Variants in ACADVL observed in about 807,000 individuals in gnomAD.
ACADVL encodes the protein acyl-CoA dehydrogenase very long chain, also known as very long-chain acyl-CoA dehydrogenase, mitochondrial.
In ACADVL, 73 loss-of-function variants were observed where a neutral mutation model predicts 80.4. The observed-to-expected ratio is 0.91, with a 90% CI of 0.75 to 1.10. The LOEUF (loss-of-function observed/expected upper bound fraction) is 1.10. Among genes scored for constraint, ACADVL ranks in the 50% least tolerant of loss-of-function variants. The probability of loss-of-function intolerance (pLI) is 0.00; values close to 1 mark genes in which losing one functional copy is unlikely to be tolerated. For missense variants in ACADVL, 878 were observed against 858.9 expected, an observed-to-expected ratio of 1.02 and a Z score of -0.28; for synonymous variants, 392 against 326.5, an observed-to-expected ratio of 1.20 and a Z score of -2.16.
In ACADVL at chr17:7,225,246, A is replaced by C; in HGVS notation, c.*149A>C. 9.2e-7 allele frequency: 1 copy of C among 1,085,706 alleles called. No individual in the cohort carries two copies. Among genetic ancestry groups the C allele is most frequent in the Non-Finnish European group, 1.3e-6 (1 of 750,752 alleles). 67.3% of individuals were successfully genotyped at this position (1,085,706 alleles called of 1,614,324 possible). A position where few individuals can be genotyped will look rare whatever the true frequency, so the allele number is the denominator to read the frequency against. On this transcript the variant is annotated 3_prime_UTR_variant, in exon 20 of 20. Coordinates refer to ENST00000356839, the MANE Select transcript of ACADVL (RefSeq NM_000018.4). ...AAGAGCACTTACTGCCTCGCAAATA[A>C]TAAAAATTTCTAGCCAGTCATGCTT...
intron 6 of ACADVL, 171 bp from the exon 7 acceptor site, chr17:7,221,367 G>A: frequency 8.3e-7 from 1 of 1,198,768 alleles, no homozygotes; most frequent in Non-Finnish European, 1.2e-6. Context: ...TCTCTGCTGT[G>A]CCCTTTGCAC....
intron 7 of ACADVL, 99 bp from the exon 8 acceptor site, chr17:7,221,853 G>C: frequency 6.2e-7 from 1 of 1,600,772 alleles, no homozygotes; most frequent in Non-Finnish European, 8.5e-7. Flanking sequence ...ATACTCCCAG[G>C]TGTTAAGGGG....
At chr17:7,223,944 A>G in intron 13 of ACADVL, 24 bp from the exon 14 acceptor site, 7 of 1,613,836 alleles carry the variant, frequency 4.3e-6, no homozygotes, top group Non-Finnish European at 5.1e-6. Context: ...GCACGGGCAT[A>G]TAATTTGTGT....
rs547122614 is a variant in ACADVL at position 7,223,234 on chromosome 17, T to C, written c.1179T>C (p.Thr393=). ...LARMVMLQYV[T]ESMAYMVSAN... The stretch of plus-strand genomic sequence containing the variant: ...GGATGGTTATGCTGCAGTATGTAAC[T>C]GAGGTGAGGGCCTCCCAAGCCCCTC... Residue 393 remains threonine (T), a synonymous_variant, in exon 11 of 20, where the codon ACT becomes ACC. Coordinates refer to ENST00000356839, the MANE Select transcript of ACADVL (RefSeq NM_000018.4). 1 of 1,612,468 alleles carries C rather than the reference T, an allele frequency of 6.2e-7. No individual in the cohort carries two copies. Among genetic ancestry groups the C allele is most frequent in the Non-Finnish European group, 8.5e-7 (1 of 1,178,544 alleles).
upstream of ACADVL, chr17:7,218,996 G>A (rs948110140): frequency 1.4e-4 from 109 of 803,442 alleles, 1 homozygote; most frequent in Middle Eastern, 4.7e-4. Context: ...CACCAGCACC[G>A]CCACCATCTT....
upstream of ACADVL, chr17:7,219,922 G>A (rs550196368): frequency 1.4e-6 from 2 of 1,457,292 alleles, no homozygotes; most frequent in East Asian, 5.0e-5. Context: ...GCCAGGACGT[G>A]GGCGTGCAGG....
Position 7,220,369 on chromosome 17 carries a change from C to T in ACADVL, c.139-95C>T, listed in dbSNP as rs1181839841. On this transcript the variant is annotated intron_variant, in intron 2 of 19. Coordinates refer to ENST00000356839, the MANE Select transcript of ACADVL (RefSeq NM_000018.4). ...AGGGCGAAACTAGGGGAAAGGTCAC[C>T]GCTTCGCGCCGCCTCCCCGCGCGGC... 13 of 1,586,974 alleles carry T rather than the reference C, an allele frequency of 8.2e-6. No homozygotes were observed. The Admixed American group carries it at 2.0e-4, about 25-fold the overall frequency.
At chr17:7,220,854 T>C in intron 5 of ACADVL, 24 bp downstream of exon 5, 1 of 1,614,048 alleles carries the variant, frequency 6.2e-7, no homozygotes. Context: ...CGGGGCTTGG[T>C]CCCTGGTGAG....
At chr17:7,224,923 G>T in intron 19 of ACADVL, 34 bp from the exon 20 acceptor site, 1 of 1,614,078 alleles carries the variant, frequency 6.2e-7, no homozygotes, top group East Asian at 2.2e-5. Context: ...GAGGGCTGGA[G>T]GTGCAGGCCC....
At chr17:7,223,076 C>T in intron 10 of ACADVL, 57 bp from the exon 11 acceptor site, 1 of 1,550,430 alleles carries the variant, frequency 6.4e-7, no homozygotes. Flanking sequence ...AGCCCCTCTC[C>T]TAGGGAGACT....
At chr17:7,220,571 C>A (rs1229174443) in intron 3 of ACADVL, 33 bp from the exon 4 acceptor site, 4 of 1,614,106 alleles carry the variant, frequency 2.5e-6, no homozygotes, top group African/African-American at 2.7e-5. Context: ...CCAGACCCAA[C>A]CAGAGCCCTG....
At position 7,223,902 on chromosome 17, in the gene ACADVL, C is replaced by T. The variant is rs200161683; in HGVS notation, c.1332+27C>T. ...TACAGGACGGTCTTCTGCAGAGCCT[C>T]GGCTGGGCCAGGGGTGGGTAGGCAC... On this transcript the variant is annotated intron_variant, in intron 13 of 19. Coordinates refer to ENST00000356839, the MANE Select transcript of ACADVL (RefSeq NM_000018.4). The T allele has an allele frequency of 1.3e-5, 21 of 1,613,710 alleles. No homozygotes were observed. In the Admixed American group the frequency reaches 2.7e-4, roughly 20 times the overall value.
chr17:7,221,315 T>TA (rs2071205069), intron 6 of ACADVL: 1 of 914,366 alleles, frequency 1.1e-6, no homozygotes, highest in South Asian at 1.6e-5. Context: ...GACTGACTAG[T>TA]AGCAAGTCAC....
chr17:7,218,900 G>C, upstream of ACADVL: 1 of 1,597,092 alleles, frequency 6.3e-7, no homozygotes, highest in East Asian at 2.2e-5. Context: ...TTGGAGTTGA[G>C]CTGCTTCTCC....
upstream of ACADVL, chr17:7,218,585 G>T: frequency 6.4e-7 from 1 of 1,566,852 alleles, no homozygotes; most frequent in Non-Finnish European, 8.7e-7. Context: ...TGTGAGGAGT[G>T]GGGGTGCCCA....
chr17:7,219,024 C>G, upstream of ACADVL: 1 of 677,764 alleles, frequency 1.5e-6, no homozygotes, highest in Non-Finnish European at 2.6e-6. Flanking sequence ...ACACCCTGGC[C>G]CCCTCTTCCC....
chr17:7,221,769 G>T lies in ACADVL; in HGVS notation c.622+87G>T, dbSNP rs1041616087. On this transcript the variant is annotated intron_variant, in intron 7 of 19. Coordinates refer to ENST00000356839, the MANE Select transcript of ACADVL (RefSeq NM_000018.4). ...CAGTTGGCACTTAGATTATCAGATGGCTGAGCATTTCAGTTGGGGGAAGGT... is the reference window on the plus strand; with the variant it reads ...CAGTTGGCACTTAGATTATCAGATGTCTGAGCATTTCAGTTGGGGGAAGGT... 3 of 1,604,662 alleles carry T rather than the reference G, an allele frequency of 1.9e-6. No homozygotes were observed. In the Admixed American group the frequency reaches 5.0e-5, roughly 27 times the overall value.
At position 7,223,440 on chromosome 17, in the gene ACADVL, A is replaced by G. The variant is rs147356522; in HGVS notation, c.1182+203A>G. ...TGCTCAGGTGCCTGCCAGCAGTACC[A>G]GAAGTTAATTCTACCTCATCCCTTA... On this transcript the variant is annotated intron_variant, in intron 11 of 19. Transcript: ENST00000356839. The G allele has an allele frequency of 4.5e-4, 364 of 805,300 alleles. 2 individuals carry two copies. The highest frequency in any genetic ancestry group is 1.0e-3 in the East Asian group (41 of 40,626). 49.9% of individuals were successfully genotyped at this position (805,300 alleles called of 1,614,324 possible). A position where few individuals can be genotyped will look rare whatever the true frequency, so the allele number is the denominator to read the frequency against.
upstream of ACADVL, chr17:7,217,781 C>T: frequency 6.5e-7 from 1 of 1,535,288 alleles, no homozygotes; most frequent in Middle Eastern, 1.7e-4. Context: ...AACATGGAGA[C>T]CTGGCCAGCC....
Sources: allele counts gnomAD v4.1 joint callset, GRCh38; gene constraint gnomAD v4.1.1; transcripts MANE v1.5; gene names NCBI Gene and HGNC (gene_info 2026-07-23, HGNC 2026-07-21).